The following KAZN variants were observed in gnomAD, a reference collection of about 807,000 sequenced individuals.
The protein encoded by KAZN is kazrin, periplakin interacting protein.
KAZN carries 40 observed loss-of-function variants against 87.4 expected under a neutral mutation model. The ratio of observed to expected loss-of-function variants is 0.46; its 90% CI spans 0.36 to 0.60. The LOEUF (loss-of-function observed/expected upper bound fraction) is 0.60. Ranked by LOEUF, KAZN falls within the 20% of genes least tolerant of loss-of-function variation. The probability of loss-of-function intolerance (pLI) is 0.00; values close to 1 mark genes in which losing one functional copy is unlikely to be tolerated. For synonymous variants in KAZN, 466 were observed against 458.3 expected, an observed-to-expected ratio of 1.02 and a Z score of -0.22; for missense variants, 898 against 1,073.9, an observed-to-expected ratio of 0.84 and a Z score of 2.29.
chr1:14,116,485 T>C (rs757623212), intron 1 of KAZN, among the ~76,000 whole-genome samples: 56 of 152,226 alleles, frequency 3.7e-4, no homozygotes, highest in Admixed American at 1.8e-3. Flanking sequence ...AAGTCAAGAG[T>C]TGAGGTTTGG....
At chr1:14,454,908 G>T (rs931254594) in intron 2 of KAZN, among the ~76,000 whole-genome samples, 1 of 152,156 alleles carries the variant, frequency 6.6e-6, no homozygotes. Flanking sequence ...GGCTCAATGG[G>T]ATGCCTCAGG....
chr1:14,783,199 GC>G lies in KAZN; in HGVS notation c.227-177483del, dbSNP rs533770804. Among the ~76,000 whole-genome samples the G allele has an allele frequency of 6.0e-4, 91 of 152,240 alleles. 1 individual carries two copies. Among genetic ancestry groups the G allele is most frequent in the Admixed American group, 2.9e-3 (44 of 15,290 alleles). Reference sequence around the variant, plus strand: ...CTACTCAACATGGTCCCTGCAAAATGCCATTTCCAGCACCTAATACCTGTCT... The same window carrying G: ...CTACTCAACATGGTCCCTGCAAAATGCATTTCCAGCACCTAATACCTGTCT... On this transcript the variant is annotated intron_variant, in intron 1 of 14. Coordinates refer to ENST00000376030, the MANE Select transcript of KAZN (RefSeq NM_201628.3).
At chr1:14,385,978 T>C (rs1350529304) in intron 2 of KAZN, among the ~76,000 whole-genome samples, 1 of 151,670 alleles carries the variant, frequency 6.6e-6, no homozygotes, top group East Asian at 1.9e-4. Context: ...CAGGACTTGC[T>C]TTATGAATCT....
intron 2 of KAZN, among the ~76,000 whole-genome samples, chr1:14,509,536 C>T (rs1670791437): frequency 6.6e-6 from 1 of 152,134 alleles, no homozygotes; most frequent in Admixed American, 6.6e-5. Context: ...GAGAGGTAGG[C>T]GAGGAGCCTC....
chr1:14,838,342 G>A (rs1009830366), intron 1 of KAZN, among the ~76,000 whole-genome samples: 2 of 152,172 alleles, frequency 1.3e-5, no homozygotes, highest in Non-Finnish European at 2.9e-5. Context: ...ATAGCAGCAC[G>A]TCTGAATGTA....
chr1:14,371,093 C>T (rs968937557), intron 2 of KAZN, among the ~76,000 whole-genome samples: 20 of 152,248 alleles, frequency 1.3e-4, no homozygotes, highest in East Asian at 5.8e-4. Context: ...TGTTCTCCAA[C>T]GTTAGTGTGC....
chr1:14,855,310 T>G (rs189047790), intron 1 of KAZN, among the ~76,000 whole-genome samples: 1 of 152,254 alleles, frequency 6.6e-6, no homozygotes, highest in Non-Finnish European at 1.5e-5. Context: ...TCCCCAGTCC[T>G]GCTGATAAGG....
intron 2 of KAZN, among the ~76,000 whole-genome samples, chr1:14,523,886 G>A (rs1305813643): frequency 6.6e-6 from 1 of 152,256 alleles, no homozygotes; most frequent in African/African-American, 2.4e-5. Context: ...AGAGACACAT[G>A]AGATGGAATA....
At position 15,060,320 on chromosome 1, in the gene KAZN, G is replaced by A. The variant is rs757801111; in HGVS notation, c.1047+18G>A. The A allele has an allele frequency of 9.3e-6, 15 of 1,613,852 alleles. No individual in the cohort carries two copies. Among genetic ancestry groups the A allele is most frequent in the South Asian group, 4.4e-5 (4 of 91,072 alleles). On this transcript the variant is annotated intron_variant, in intron 6 of 14. Transcript: ENST00000376030. ...TCTGCAACGTAAGGCCAGCAGCAGC[G>A]GGGCCTGGGCCCCTGGGCCCTGCCC...
intron 1 of KAZN, among the ~76,000 whole-genome samples, chr1:13,935,252 G>GTAATAATAATAATTATAATAATAATAA (rs1553175649): frequency 6.8e-6 from 1 of 147,072 alleles, no homozygotes; most frequent in African/African-American, 2.5e-5. Context: ...AGTAGTAGTA[G>GTAATAATAATAATTATAATAATAATAA]TAATAATAAT....
At chr1:14,355,215 GA>G (rs1371670615) in intron 2 of KAZN, among the ~76,000 whole-genome samples, 2 of 152,110 alleles carry the variant, frequency 1.3e-5, no homozygotes, top group African/African-American at 4.8e-5. Flanking sequence ...GTGGGAACAA[GA>G]AGGAACTTTC....
intron 2 of KAZN, among the ~76,000 whole-genome samples, chr1:14,363,916 T>C (rs1005162687): frequency 6.6e-6 from 1 of 151,378 alleles, no homozygotes; most frequent in East Asian, 1.9e-4. Context: ...CGTGTATGTG[T>C]GTATGTATTT....
intron 1 of KAZN, among the ~76,000 whole-genome samples, chr1:14,107,363 T>TTTTG (rs143992993): frequency 0.028 from 4,249 of 151,526 alleles, 208 homozygotes; most frequent in African/African-American, 0.095. Flanking sequence ...CAAGATGGTT[T>TTTTG]TTTGTTTGTT....
At chr1:14,419,761 T>G (rs1195095740) in intron 2 of KAZN, among the ~76,000 whole-genome samples, 1 of 151,980 alleles carries the variant, frequency 6.6e-6, no homozygotes, top group African/African-American at 2.4e-5. Flanking sequence ...GCGGTGCGTC[T>G]GGTGTTGTTT....
At chr1:14,665,788 C>G (rs1639496686) in intron 1 of KAZN, among the ~76,000 whole-genome samples, 1 of 152,090 alleles carries the variant, frequency 6.6e-6, no homozygotes, top group African/African-American at 2.4e-5. Flanking sequence ...CTCTCCATAG[C>G]CTAGTTGTTC....
chr1:14,936,604 C>A lies in KAZN; in HGVS notation c.227-24080C>A, dbSNP rs115726205. On this transcript the variant is annotated intron_variant, in intron 1 of 14. Transcript: ENST00000376030. ...TAAGGCCTCACCTACCTGCTCCGCC[C>A]CCTTTTAGATTCCCTGATCACTTTG... is the stretch of plus-strand genomic sequence containing the variant. Among the ~76,000 whole-genome samples, 987 of 152,222 alleles carry A rather than the reference C, an allele frequency of 6.5e-3. 11 individuals are homozygous for A. The highest frequency in any genetic ancestry group is 0.022 in the African/African-American group (933 of 41,522).
intron 2 of KAZN, among the ~76,000 whole-genome samples, chr1:14,249,647 G>A (rs574345829): frequency 2.6e-5 from 4 of 152,266 alleles, no homozygotes; most frequent in Non-Finnish European, 5.9e-5. Context: ...GTCTCTTTAC[G>A]ATCATTTCAG....
At chr1:13,983,404 G>T (rs922256226) in intron 1 of KAZN, among the ~76,000 whole-genome samples, 2 of 152,236 alleles carry the variant, frequency 1.3e-5, no homozygotes, top group Admixed American at 6.5e-5. Flanking sequence ...CCATTGGCCC[G>T]GGTGCTAAGT....
chr1:14,810,579 C>T (rs189991141), intron 1 of KAZN, among the ~76,000 whole-genome samples: 1 of 152,296 alleles, frequency 6.6e-6, no homozygotes, highest in African/African-American at 2.4e-5. Context: ...ATGACCCCCT[C>T]CCACCCCACA....
Sources: allele counts gnomAD v4.1 joint callset (sites outside exome capture counted in the v4.1 genomes callset), GRCh38; gene constraint gnomAD v4.1.1; transcripts MANE v1.5; gene names NCBI Gene and HGNC (gene_info 2026-07-23, HGNC 2026-07-21).